WDR72: variants seen among roughly 807,000 people sequenced by gnomAD.
WDR72 encodes WD repeat-containing protein 72.
WDR72 carries 120 observed loss-of-function variants against 124.2 expected under a neutral mutation model. The ratio of observed to expected loss-of-function variants is 0.97; its 90% confidence interval spans 0.83 to 1.12. The LOEUF is 1.12. Among genes scored for constraint, WDR72 ranks in the 50% most tolerant of loss-of-function variants. The pLI, the probability that WDR72 is intolerant of heterozygous loss-of-function variation, is 0.00. For synonymous variants in WDR72, 452 were observed against 441.7 expected (o/e 1.02, Z -0.29); for missense variants, 1,387 against 1,278.8 (o/e 1.08, Z -1.29).
intron 18 of WDR72, among the ~76,000 whole-genome samples, chr15:53,580,731 A>G (rs2011872341): frequency 6.6e-6 from 1 of 151,958 alleles, no homozygotes; most frequent in Non-Finnish European, 1.5e-5. Flanking sequence ...AAAAAGTACA[A>G]CTAAAAGTGG....
At chr15:53,528,954 T>C (rs1245823381) in intron 18 of WDR72, among the ~76,000 whole-genome samples, 2 of 151,876 alleles carry the variant, frequency 1.3e-5, no homozygotes, top group Non-Finnish European at 2.9e-5. Context: ...ATAAAAACTT[T>C]TTAAAAATCA....
chr15:53,694,652 A>G (rs970358023), intron 13 of WDR72, among the ~76,000 whole-genome samples: 1 of 152,200 alleles, frequency 6.6e-6, no homozygotes, highest in Admixed American at 6.5e-5. Flanking sequence ...AGAACACACC[A>G]GAATGGAAGA....
chr15:53,685,999 C>G (rs369767906), intron 13 of WDR72, among the ~76,000 whole-genome samples: 1 of 148,996 alleles, frequency 6.7e-6, no homozygotes, highest in African/African-American at 2.5e-5. Flanking sequence ...ACTTTACAGA[C>G]AAGCAAATGC....
chr15:53,714,429 C>A lies in WDR72; in HGVS notation c.591+5G>T. ...AGGAAAAAAGAGTAGGGTTCCCAAG[C>A]CAACCTGAATGCTGTTGATAGATGA... On this transcript the variant is annotated splice_donor_5th_base_variant and intron_variant, in intron 6 of 19. Coordinates refer to ENST00000360509, the MANE Select transcript of WDR72 (RefSeq NM_182758.4). The A allele has an allele frequency of 6.2e-7, 1 of 1,612,822 alleles. No individual in the cohort carries two copies. The highest frequency in any genetic ancestry group is 8.5e-7 in the Non-Finnish European group (1 of 1,179,128).
intron 18 of WDR72, among the ~76,000 whole-genome samples, chr15:53,585,059 C>T (rs992262778): frequency 3.9e-5 from 6 of 151,926 alleles, no homozygotes; most frequent in African/African-American, 1.4e-4. Flanking sequence ...GTGCCTACAT[C>T]CCCCACTTCT....
At chr15:53,588,730 T>C (rs2012348616) in intron 18 of WDR72, among the ~76,000 whole-genome samples, 1 of 149,974 alleles carries the variant, frequency 6.7e-6, no homozygotes, top group African/African-American at 2.4e-5. Flanking sequence ...TAAAGGAATT[T>C]AGTCCCTCTA....
At chr15:53,634,500 A>G (rs2014552399) in intron 14 of WDR72, among the ~76,000 whole-genome samples, 1 of 152,236 alleles carries the variant, frequency 6.6e-6, no homozygotes, top group Non-Finnish European at 1.5e-5. Context: ...TTAGCTAAAA[A>G]AAAATGCAAA....
chr15:53,730,204 C>T (rs690463), intron 2 of WDR72, among the ~76,000 whole-genome samples: 9,398 of 152,186 alleles, frequency 0.062, 993 homozygotes, highest in African/African-American at 0.21. Context: ...AAAGGAAATA[C>T]TGTCATATGC....
intron 3 of WDR72, among the ~76,000 whole-genome samples, chr15:53,722,563 A>C (rs57877150): frequency 1.3e-5 from 2 of 152,178 alleles, no homozygotes; most frequent in African/African-American, 4.8e-5. Flanking sequence ...ACACATGTTG[A>C]GATGCTTAAC....
At chr15:53,626,388 C>T (rs917105593) in intron 14 of WDR72, among the ~76,000 whole-genome samples, 26 of 152,190 alleles carry the variant, frequency 1.7e-4, no homozygotes, top group African/African-American at 6.3e-4. Flanking sequence ...CAGCAACGGG[C>T]ACCTTGCTGG....
chr15:53,673,886 G>A (rs2016076618), intron 13 of WDR72, among the ~76,000 whole-genome samples: 1 of 152,064 alleles, frequency 6.6e-6, no homozygotes, highest in Non-Finnish European at 1.5e-5. Context: ...AGCTAGTCAG[G>A]AGGCTGAGGC....
At chr15:53,741,793 T>A (rs1451506218) in intron 1 of WDR72, among the ~76,000 whole-genome samples, 1 of 151,932 alleles carries the variant, frequency 6.6e-6, no homozygotes, top group Non-Finnish European at 1.5e-5. Flanking sequence ...GGTGGCACGA[T>A]CTCTGCTCAC....
In WDR72 at chr15:53,649,243, C is replaced by G. The variant is rs151151156; in HGVS notation, c.1962+16329G>C. ...GATGCGTTGGCTATGGTTGGTTTTG[C>G]ATTACCAACGCAGAGTTGAGTAGGT... On this transcript the variant is annotated intron_variant, in intron 14 of 19. Transcript: ENST00000360509. 5.9e-5 allele frequency among the ~76,000 whole-genome samples: 9 copies of G among 152,172 alleles called. No individual in the cohort carries two copies. The East Asian group carries it at 1.5e-3, about 26-fold the overall frequency.
At chr15:53,759,103 G>A (rs2018997351) in intron 1 of WDR72, among the ~76,000 whole-genome samples, 1 of 152,020 alleles carries the variant, frequency 6.6e-6, no homozygotes, top group African/African-American at 2.4e-5. Flanking sequence ...ACAGCCCCAA[G>A]CTGTCACACC....
chr15:53,705,623 T>C (rs1446554324), intron 10 of WDR72, among the ~76,000 whole-genome samples: 1 of 152,082 alleles, frequency 6.6e-6, no homozygotes, highest in Non-Finnish European at 1.5e-5. Context: ...CTGCCATGCC[T>C]GGCTAATTTT....
At chr15:53,707,267 T>C (rs2017407469) in intron 9 of WDR72, among the ~76,000 whole-genome samples, 1 of 152,200 alleles carries the variant, frequency 6.6e-6, no homozygotes, top group African/African-American at 2.4e-5. Flanking sequence ...CTACATTTAA[T>C]CTTCACAACA....
chr15:53,691,181 C>T (rs1173795956), intron 13 of WDR72, among the ~76,000 whole-genome samples: 1 of 152,134 alleles, frequency 6.6e-6, no homozygotes, highest in Non-Finnish European at 1.5e-5. Flanking sequence ...TCCAGAATAG[C>T]TGGGACTACT....
chr15:53,681,895 T>C (rs2016400199), intron 13 of WDR72, among the ~76,000 whole-genome samples: 1 of 151,740 alleles, frequency 6.6e-6, no homozygotes, highest in South Asian at 2.1e-4. Context: ...AAAAAGTGAA[T>C]CAAATGATGT....
intron 12 of WDR72, among the ~76,000 whole-genome samples, chr15:53,700,598 G>C (rs560400148): frequency 6.6e-6 from 1 of 152,288 alleles, no homozygotes; most frequent in South Asian, 2.1e-4. Flanking sequence ...ATCCAAGGTG[G>C]ATTCTAATGA....
Sources: allele counts gnomAD v4.1 joint callset (sites outside exome capture counted in the v4.1 genomes callset), GRCh38; gene constraint gnomAD v4.1.1; transcripts MANE v1.5; gene names NCBI Gene and HGNC (gene_info 2026-07-23, HGNC 2026-07-21).